PCDHGB5: variants seen among roughly 807,000 people sequenced by gnomAD.
The protein encoded by PCDHGB5 is protocadherin gamma-B5.
A neutral mutation model predicts 62.9 loss-of-function variants in PCDHGB5; 48 were observed. That is an observed-to-expected ratio of 0.76 (90% CI 0.61 to 0.97). PCDHGB5 has a LOEUF of 0.97. PCDHGB5 is among the 50% of genes least tolerant of loss of function. The pLI is 0.00. For missense variants in PCDHGB5, 1,118 were observed against 1,198.6 expected, an observed-to-expected ratio of 0.93 and a Z score of 0.99; for synonymous variants, 474 against 511.2, an observed-to-expected ratio of 0.93 and a Z score of 0.98.
rs747874428 is a variant in PCDHGB5, at chr5:141,400,015, G to T, written c.1888G>T (p.Asp630Tyr). The T allele has an allele frequency of 3.7e-6, 6 of 1,612,768 alleles. No individual in the cohort carries two copies. Among genetic ancestry groups the T allele is most frequent in the Non-Finnish European group, 4.2e-6 (5 of 1,179,674 alleles). ...GEVRTARALG[D>Y]RDAARQRLLV... ...GGTGCGCACAGCGCGTGCCTTGGGC[G>T]ACAGGGACGCGGCCCGCCAGCGCCT... The change falls in exon 1 of 4, where the codon GAC becomes TAC. Residue 630 changes from aspartate (D) to tyrosine (Y), a missense_variant. By Grantham distance (160) the Asp-to-Tyr change is radical (BLOSUM62 -3). Around this residue, in one of 2 missense-constraint regions of PCDHGB5, gnomAD observed 1,034 missense variants for 1,029.1 expected, o/e 1.00. Coordinates refer to ENST00000617380, the MANE Select transcript of PCDHGB5 (RefSeq NM_018925.3).
intron 1 of PCDHGB5, chr5:141,421,579 T>G (rs753573473): frequency 1.9e-6 from 3 of 1,613,816 alleles, no homozygotes; most frequent in Non-Finnish European, 2.5e-6. Context: ...CTTGAAGATT[T>G]ACGGAGTGGA....
chr5:141,455,343 G>T (rs1462807460), intron 1 of PCDHGB5, among the ~76,000 whole-genome samples: 1 of 152,036 alleles, frequency 6.6e-6, no homozygotes, highest in Non-Finnish European at 1.5e-5. Flanking sequence ...TTTAAGGAGC[G>T]GAGAGTTTAA....
At chr5:141,495,095 G>C (rs67264863) in intron 2 of PCDHGB5, among the ~76,000 whole-genome samples, 9,751 of 152,126 alleles carry the variant, frequency 0.064, 363 homozygotes, top group South Asian at 0.11. Context: ...TTCCCTCCTC[G>C]CCACGACCGG....
chr5:141,421,515 C>A, intron 1 of PCDHGB5: 3 of 1,614,080 alleles, frequency 1.9e-6, no homozygotes, highest in Non-Finnish European at 2.5e-6. Context: ...GGGAGGAGCT[C>A]TGTGAGACGG....
At chr5:141,409,596 A>G in intron 1 of PCDHGB5, 1 of 1,613,714 alleles carries the variant, frequency 6.2e-7, no homozygotes, top group Non-Finnish European at 8.5e-7. Flanking sequence ...GCCGAGAACA[A>G]CCCGCCAGGA....
At position 141,432,432 on chromosome 5, in the gene PCDHGB5, A is replaced by G. The variant is rs1431760497; in HGVS notation, c.2397+31908A>G. On this transcript the variant is annotated intron_variant, in intron 1 of 3. Transcript: ENST00000617380. This position sits in a 1 kb window ranked among gnomAD's most constrained non-coding sequence, Gnocchi z 6.0. ...CTGTTCGTGCTGGACCAGAACGACA[A>G]TGCGCCCGAGATCCTGTACCCCGCC... The G allele has an allele frequency of 2.5e-6, 4 of 1,614,156 alleles. No homozygotes were observed. Among genetic ancestry groups the G allele is most frequent in the Non-Finnish European group, 3.4e-6 (4 of 1,180,028 alleles).
chr5:141,461,124 A>G (rs992107268), intron 1 of PCDHGB5, among the ~76,000 whole-genome samples: 1 of 151,978 alleles, frequency 6.6e-6, no homozygotes, highest in Admixed American at 6.6e-5. Context: ...TTTTTCATAT[A>G]ATTACTTATT....
chr5:141,497,877 G>C (rs1057284578), intron 2 of PCDHGB5, among the ~76,000 whole-genome samples: 6 of 152,148 alleles, frequency 3.9e-5, no homozygotes, highest in Admixed American at 2.6e-4. Context: ...AGTGAAATAA[G>C]CGTTAGGATC....
At chr5:141,457,448 A>G (rs1296079061) in intron 1 of PCDHGB5, among the ~76,000 whole-genome samples, 2 of 152,196 alleles carry the variant, frequency 1.3e-5, no homozygotes, top group Non-Finnish European at 2.9e-5. Flanking sequence ...GCAGAAGATC[A>G]CCACTTGATT....
Position 141,444,149 on chromosome 5 carries a change from T to C in PCDHGB5, c.2397+43625T>C, listed in dbSNP as rs180678850. On this transcript the variant is annotated intron_variant, in intron 1 of 3. Transcript: ENST00000617380. ...ACAGATATGTGTCACTTGTGTGTAC[T>C]GGATTTTTTTTTTTTTTTTTTTTTT... Among the ~76,000 whole-genome samples, 383 of 136,820 alleles carry C rather than the reference T, an allele frequency of 2.8e-3. 2 individuals carry two copies. Among genetic ancestry groups the C allele is most frequent in the Middle Eastern group, 0.012 (3 of 252 alleles). 89.8% of individuals were successfully genotyped at this position (136,820 alleles called of 152,430 possible). A position where few individuals can be genotyped will look rare whatever the true frequency, so the allele number is the denominator to read the frequency against.
intron 1 of PCDHGB5, among the ~76,000 whole-genome samples, chr5:141,473,096 G>A (rs1007912058): frequency 9.9e-5 from 15 of 152,058 alleles, no homozygotes; most frequent in African/African-American, 3.6e-4. Context: ...ACTGTGAGTT[G>A]TATTACCACA....
chr5:141,408,344 G>A, intron 1 of PCDHGB5: 1 of 1,613,958 alleles, frequency 6.2e-7, no homozygotes, highest in East Asian at 2.2e-5. Flanking sequence ...CTCGGTGGTG[G>A]GGAACCTCGC....
In PCDHGB5 at chr5:141,399,084, T is replaced by C. The variant is rs752476131; in HGVS notation, c.957T>C (p.Asp319=). 1.2e-6 allele frequency: 2 copies of C among 1,613,796 alleles called. No individual in the cohort carries two copies. The highest frequency in any genetic ancestry group is 1.1e-5 in the South Asian group (1 of 91,080). ...ATTCAATGGTTGTAGAAGGGAGGGA[T>C]GGTGGTGGACTGGTTGCACAATGTA... ...KEYSMVVEGR[D]GGGLVAQCTV... The change falls in exon 1 of 4, where the codon GAT becomes GAC. Residue 319 remains aspartate, a synonymous_variant. Transcript: ENST00000617380.
intron 2 of PCDHGB5, among the ~76,000 whole-genome samples, chr5:141,501,868 C>G (rs1016056445): frequency 1.3e-5 from 2 of 152,120 alleles, no homozygotes; most frequent in African/African-American, 2.4e-5. Flanking sequence ...TCCCAGGACG[C>G]CTCCTTACAC....
At chr5:141,421,965 C>A in intron 1 of PCDHGB5, 1 of 1,610,360 alleles carries the variant, frequency 6.2e-7, no homozygotes, top group Non-Finnish European at 8.5e-7. Context: ...TTACACAGTC[C>A]GTATATCGCG....
chr5:141,436,337 A>G (rs1450981655), intron 1 of PCDHGB5, among the ~76,000 whole-genome samples: 1 of 152,178 alleles, frequency 6.6e-6, no homozygotes, highest in Non-Finnish European at 1.5e-5. Flanking sequence ...CATATCTCAA[A>G]TATCAGTGAC....
intron 1 of PCDHGB5, among the ~76,000 whole-genome samples, chr5:141,438,591 CATATATATATATATATATAT>C (rs946798767): frequency 2.1e-4 from 16 of 75,572 alleles, no homozygotes; most frequent in Middle Eastern, 0.016. Context: ...TACATACATA[CATATATATATATATATATAT>C]ATATATATAT....
At chr5:141,408,896 G>A (rs1441378199) in intron 1 of PCDHGB5, 5 of 1,613,328 alleles carry the variant, frequency 3.1e-6, no homozygotes, top group East Asian at 2.2e-5. Flanking sequence ...AGAAATTTCT[G>A]TCAAGGATAC....
At position 141,486,108 on chromosome 5, in the gene PCDHGB5, G is replaced by A. The variant is rs1184123075; in HGVS notation, c.2398-8699G>A. ...CTTTTGGGGCCCCTAGACTTTGAGA[G>A]TGAGAATTACTATGAATTTGATGTG... On this transcript the variant is annotated intron_variant, in intron 1 of 3. Coordinates refer to ENST00000617380, the MANE Select transcript of PCDHGB5 (RefSeq NM_018925.3). The surrounding 1 kb of genome is among the most constrained non-coding windows in gnomAD (Gnocchi z 5.0). 6 of 1,614,206 alleles carry A rather than the reference G, an allele frequency of 3.7e-6. No individual in the cohort carries two copies. Among genetic ancestry groups the A allele is most frequent in the South Asian group, 3.3e-5 (3 of 91,084 alleles).
Sources: gnomAD v4.1 joint callset for allele counts (sites outside exome capture counted in the v4.1 genomes callset) on GRCh38, gnomAD v4.1.1 for gene constraint, gnomAD v4.1.1 regional missense constraint, Gnocchi (gnomAD v3.1) non-coding constraint, MANE v1.5 for transcripts, NCBI Gene and HGNC (gene_info 2026-07-23, HGNC 2026-07-21) for gene names.